Variants in ODAPH observed in about 807,000 individuals in gnomAD.
ODAPH encodes the protein odontogenesis associated phosphoprotein, also known as amelogenesis imperfecta type IIA4.
Under a neutral mutation model 2.8 loss-of-function variants are expected in ODAPH, and 2 were observed. The ratio of observed to expected loss-of-function variants is 0.72; its 90% CI spans 0.30 to 2.28. The LOEUF (loss-of-function observed/expected upper bound fraction) is 2.28. Ranked by LOEUF, ODAPH falls within the 30% of genes most tolerant of loss-of-function variation. ODAPH has a pLI of 0.13. For missense variants in ODAPH, 159 were observed against 163.3 expected (o/e 0.97, Z 0.14); for synonymous variants, 75 against 60.3 (o/e 1.24, Z -1.13).
In ODAPH at chr4:75,556,541, C is replaced by T. The variant is rs923249296; in HGVS notation, c.67+392C>T. ...CTAACAATTCCACTTTGAATTACAGCACTGTCCACTTTCTATCTCCAGCAG... is the reference window on the plus strand; with the variant it reads ...CTAACAATTCCACTTTGAATTACAGTACTGTCCACTTTCTATCTCCAGCAG... On this transcript the variant is annotated intron_variant, in intron 1 of 1. Coordinates refer to ENST00000311623, the MANE Select transcript of ODAPH (RefSeq NM_178497.5). The T allele has an allele frequency of 1.6e-5, 24 of 1,534,318 alleles. No individual in the cohort carries two copies. In the African/African-American group the frequency reaches 2.6e-4, roughly 17 times the overall value.
At chr4:75,563,623 T>C (rs1258804246) in intron 1 of ODAPH, among the ~76,000 whole-genome samples, 1 of 152,218 alleles carries the variant, frequency 6.6e-6, no homozygotes, top group Non-Finnish European at 1.5e-5. Flanking sequence ...TTCTTAACTA[T>C]AGATTAGTTT....
At chr4:75,558,310 G>A (rs993961339) in intron 1 of ODAPH, among the ~76,000 whole-genome samples, 5 of 152,196 alleles carry the variant, frequency 3.3e-5, no homozygotes, top group Non-Finnish European at 7.4e-5. Context: ...TGCAGTTATT[G>A]TGAGTAAATC....
chr4:75,563,033 T>G (rs1031163203), intron 1 of ODAPH, among the ~76,000 whole-genome samples: 1 of 104,744 alleles, frequency 9.5e-6, no homozygotes, highest in African/African-American at 3.7e-5. Flanking sequence ...TTTTTTTTTT[T>G]TTTTTTTTTG....
At chr4:75,562,710 A>C (rs13127955) in intron 1 of ODAPH, among the ~76,000 whole-genome samples, 36,626 of 151,862 alleles carry the variant, frequency 0.24, 4,576 homozygotes, top group African/African-American at 0.3. Flanking sequence ...TTTCTAAAGA[A>C]AAGATTACTT....
At chr4:75,561,823 G>A (rs1322462386) in intron 1 of ODAPH, among the ~76,000 whole-genome samples, 1 of 152,134 alleles carries the variant, frequency 6.6e-6, no homozygotes, top group Non-Finnish European at 1.5e-5. Flanking sequence ...CTCAAGCCTG[G>A]GGAACAGATG....
At chr4:75,559,469 C>T (rs561680249) in intron 1 of ODAPH, among the ~76,000 whole-genome samples, 1 of 152,258 alleles carries the variant, frequency 6.6e-6, no homozygotes, top group Admixed American at 6.5e-5. Flanking sequence ...AAATGAGACT[C>T]AAAGAGGTTA....
intron 1 of ODAPH, 133 bp from the exon 2 acceptor site, chr4:75,563,981 G>T: frequency 1.3e-6 from 1 of 753,924 alleles, no homozygotes; most frequent in Non-Finnish European, 2.2e-6. Flanking sequence ...ATTGAACGTT[G>T]GCAGTTCTTT....
At chr4:75,556,589 G>A in intron 1 of ODAPH, 6 of 1,533,400 alleles carry the variant, frequency 3.9e-6, no homozygotes, top group Non-Finnish European at 5.2e-6. Context: ...CACATGGTGG[G>A]TATTTAGTCT....
intron 1 of ODAPH, among the ~76,000 whole-genome samples, chr4:75,561,746 C>A (rs1011870562): frequency 6.6e-6 from 1 of 152,068 alleles, no homozygotes; most frequent in African/African-American, 2.4e-5. Flanking sequence ...ACTCAAGAGG[C>A]TGAGGCAGGA....
intron 1 of ODAPH, among the ~76,000 whole-genome samples, chr4:75,557,369 GT>G (rs1194730597): frequency 5.3e-5 from 8 of 152,234 alleles, no homozygotes; most frequent in Non-Finnish European, 8.8e-5. Context: ...GCTGGGTACA[GT>G]GGCTCACACC....
Position 75,556,219 on chromosome 4 carries a change from T to C in ODAPH, c.67+70T>C. On this transcript the variant is annotated intron_variant, in intron 1 of 1. Transcript: ENST00000311623. ...AGTTGTAGGAAAAGACAAAACTGGC[T>C]CCATGATTATACGTTCCCATAAATT... The C allele has an allele frequency of 3.6e-6, 5 of 1,385,472 alleles. No homozygotes were observed. In the Admixed American group the frequency reaches 8.5e-5, roughly 23 times the overall value. 85.8% of individuals were successfully genotyped at this position (1,385,472 alleles called of 1,614,324 possible).
At position 75,564,686 on chromosome 4, in the gene ODAPH, G is replaced by T. The variant is rs1286397145; in HGVS notation, c.*247G>T. 2.8e-6 allele frequency: 2 copies of T among 714,048 alleles called. No homozygotes were observed. Among genetic ancestry groups the T allele is most frequent in the Non-Finnish European group, 4.5e-6 (2 of 443,490 alleles). The allele number at this position is 714,048 out of a possible 1,614,324, so 44.2% of individuals were successfully genotyped here. ...TTATCCTCAACCTCTTATGGTCACA[G>T]GATATTTATGCAAATAAAATCTTTA... On this transcript the variant is annotated 3_prime_UTR_variant, in exon 2 of 2. Coordinates refer to ENST00000311623, the MANE Select transcript of ODAPH (RefSeq NM_178497.5).
chr4:75,562,693 G>A (rs2148844659), intron 1 of ODAPH, among the ~76,000 whole-genome samples: 1 of 152,234 alleles, frequency 6.6e-6, no homozygotes, highest in Non-Finnish European at 1.5e-5. Context: ...GGGAGTGAAG[G>A]AACAATTTTC....
chr4:75,556,763 T>C (rs1426132765), intron 1 of ODAPH, among the ~76,000 whole-genome samples: 2 of 152,020 alleles, frequency 1.3e-5, no homozygotes, highest in Non-Finnish European at 2.9e-5. Context: ...TTACAATTGG[T>C]TTGCAAACCC....
intron 1 of ODAPH, among the ~76,000 whole-genome samples, chr4:75,559,552 T>C (rs1432393180): frequency 3.9e-5 from 6 of 152,240 alleles, no homozygotes; most frequent in African/African-American, 1.4e-4. Flanking sequence ...CCTATCCTTT[T>C]AAACACTTTG....
intron 1 of ODAPH, chr4:75,556,687 T>G (rs1009298453): frequency 1.1e-5 from 9 of 809,716 alleles, no homozygotes; most frequent in Admixed American, 1.1e-4. Flanking sequence ...AGGATTTTAT[T>G]AGATTCCATT....
In ODAPH at chr4:75,564,269, T is replaced by G; in HGVS notation, c.223T>G (p.Phe75Val). The G allele has an allele frequency of 1.2e-6, 2 of 1,614,232 alleles. No homozygotes were observed. The highest frequency in any genetic ancestry group is 2.2e-5 in the East Asian group (1 of 44,890). Reference sequence around the variant, plus strand: ...GACACCCAGGTGTCCCTTCCATTTTTTTCCACGAAGGCCCAGAATCCATTT... The same window carrying G: ...GACACCCAGGTGTCCCTTCCATTTTGTTCCACGAAGGCCCAGAATCCATTT... ...TKTPRCPFHF[F>V]PRRPRIHFRF... The change falls in exon 2 of 2, where the codon TTT (phenylalanine) becomes GTT (valine). Residue 75 changes from phenylalanine to valine, a missense_variant. Phe to Val is a conservative substitution (Grantham distance 50). Transcript: ENST00000311623.
At chr4:75,557,630 ACT>A (rs541080257) in intron 1 of ODAPH, among the ~76,000 whole-genome samples, 1,910 of 152,230 alleles carry the variant, frequency 0.013, 14 homozygotes, top group Non-Finnish European at 0.018. Context: ...CAAGAGTGAA[ACT>A]CTGTCTCAAA....
At chr4:75,560,435 C>T (rs1420573482) in intron 1 of ODAPH, among the ~76,000 whole-genome samples, 1 of 152,092 alleles carries the variant, frequency 6.6e-6, no homozygotes, top group Non-Finnish European at 1.5e-5. Context: ...AGTCACAGAC[C>T]ATAAATGGCA....
Sources: gnomAD v4.1 joint callset for allele counts (sites outside exome capture counted in the v4.1 genomes callset) on GRCh38, gnomAD v4.1.1 for gene constraint, MANE v1.5 for transcripts, NCBI Gene and HGNC (gene_info 2026-07-23, HGNC 2026-07-21) for gene names.